RASA3: variants seen among roughly 807,000 people sequenced by gnomAD.
RASA3 encodes the protein ras GTPase-activating protein 3.
Under a neutral mutation model 110.0 loss-of-function variants are expected in RASA3, and 73 were observed. The ratio of observed to expected loss-of-function variants is 0.66; its 90% CI spans 0.55 to 0.81. RASA3 has a LOEUF of 0.81. Ranked by LOEUF, RASA3 falls within the 30% of genes least tolerant of loss-of-function variation. The pLI, the probability that RASA3 is intolerant of heterozygous loss-of-function variation, is 0.00. For missense variants in RASA3, 976 were observed against 1,113.2 expected (o/e 0.88, Z 1.75); for synonymous variants, 500 against 451.4 (o/e 1.11, Z -1.37).
At chr13:114,022,068 T>C (rs1289273558) in intron 8 of RASA3, among the ~76,000 whole-genome samples, 1 of 152,046 alleles carries the variant, frequency 6.6e-6, no homozygotes, top group Admixed American at 6.5e-5. Context: ...GAACCCTGTC[T>C]CCATGGATTG....
chr13:114,118,444 T>G (rs978031662), intron 1 of RASA3, among the ~76,000 whole-genome samples: 14 of 152,212 alleles, frequency 9.2e-5, no homozygotes, highest in African/African-American at 3.4e-4. Flanking sequence ...GTTGTTGCCT[T>G]TTGGTGGGTG....
chr13:113,997,568 G>A (rs989568671), intron 20 of RASA3, among the ~76,000 whole-genome samples: 2 of 151,924 alleles, frequency 1.3e-5, no homozygotes, highest in African/African-American at 4.8e-5. Context: ...CAGGTCTCCC[G>A]GGGCAGGAGT....
chr13:114,059,089 G>T (rs953993365), intron 2 of RASA3, among the ~76,000 whole-genome samples: 1 of 152,208 alleles, frequency 6.6e-6, no homozygotes. Flanking sequence ...CGAAGCGGAG[G>T]ATTGCTTGAG....
chr13:114,059,595 AC>A (rs2079303197), intron 2 of RASA3, among the ~76,000 whole-genome samples: 1 of 152,228 alleles, frequency 6.6e-6, no homozygotes, highest in Non-Finnish European at 1.5e-5. Flanking sequence ...GCCTGCGGGC[AC>A]AGAGGGCGCT....
intron 2 of RASA3, among the ~76,000 whole-genome samples, chr13:114,055,898 G>A (rs2079237063): frequency 6.6e-6 from 1 of 152,228 alleles, no homozygotes; most frequent in Non-Finnish European, 1.5e-5. Flanking sequence ...GTAACCAAAA[G>A]GCGTAAATCA....
Position 114,056,435 on chromosome 13 carries a change from A to G in RASA3, c.174-4280T>C, listed in dbSNP as rs1455695933. On this transcript the variant is annotated intron_variant, in intron 2 of 23. Transcript: ENST00000334062. The surrounding 1 kb of genome is among the most constrained non-coding windows in gnomAD (Gnocchi z 5.7). ...GGGTGGGAAACCGAGGCACTCCAAC[A>G]TCTGATGAAACGAAACTAACCCCAG... 1 of 985,040 alleles carries G rather than the reference A, an allele frequency of 1.0e-6. No homozygotes were observed. Among genetic ancestry groups the G allele is most frequent in the Non-Finnish European group, 1.2e-6 (1 of 829,702 alleles). 61.0% of individuals were successfully genotyped at this position (985,040 alleles called of 1,614,324 possible).
At chr13:114,064,337 CA>C (rs754280944) in intron 2 of RASA3, among the ~76,000 whole-genome samples, 1 of 152,206 alleles carries the variant, frequency 6.6e-6, no homozygotes, top group Non-Finnish European at 1.5e-5. Flanking sequence ...GAAGTGGCCA[CA>C]GCACCATCAC....
At chr13:114,017,889 C>T (rs2053828450) in intron 11 of RASA3, among the ~76,000 whole-genome samples, 1 of 151,646 alleles carries the variant, frequency 6.6e-6, no homozygotes, top group African/African-American at 2.4e-5. Flanking sequence ...CCCACTCACT[C>T]ACTCTACCCG....
intron 16 of RASA3, among the ~76,000 whole-genome samples, chr13:114,010,735 A>G (rs1422658352): frequency 0.62 from 51 of 82 alleles, 17 homozygotes; most frequent in Admixed American, 0.8. Flanking sequence ...GGAGGGGGCC[A>G]TGTGAGGAGG....
At chr13:114,018,031 G>A (rs1402867279) in intron 11 of RASA3, 73 bp downstream of exon 11, 3 of 1,416,234 alleles carry the variant, frequency 2.1e-6, no homozygotes, top group Non-Finnish European at 1.9e-6. Context: ...AGGACACGTG[G>A]TTCTCGGCGA....
intron 4 of RASA3, among the ~76,000 whole-genome samples, chr13:114,031,774 C>T (rs915260104): frequency 6.6e-6 from 1 of 152,248 alleles, no homozygotes. Flanking sequence ...GCCCTTAGCT[C>T]TAGCTCCTGA....
At chr13:114,025,086 G>A (rs903416298) in intron 7 of RASA3, among the ~76,000 whole-genome samples, 2 of 152,180 alleles carry the variant, frequency 1.3e-5, no homozygotes, top group Non-Finnish European at 1.5e-5. Context: ...GGTCACCTGC[G>A]TTTACAAGAA....
At chr13:114,106,823 A>G (rs1227710863) in intron 1 of RASA3, among the ~76,000 whole-genome samples, 6 of 152,238 alleles carry the variant, frequency 3.9e-5, no homozygotes. Context: ...AAACCAAACT[A>G]TATGCTGCGT....
chr13:114,013,470 T>C (rs528573705), intron 14 of RASA3, among the ~76,000 whole-genome samples: 16 of 148,350 alleles, frequency 1.1e-4, no homozygotes, highest in Admixed American at 1.1e-3. Context: ...TCTCTCTCCC[T>C]GTCTCTCTCC....
chr13:113,979,692 A>T (rs1411311578), intron 23 of RASA3, among the ~76,000 whole-genome samples: 1 of 152,162 alleles, frequency 6.6e-6, no homozygotes, highest in Non-Finnish European at 1.5e-5. Context: ...CAGATGTGGA[A>T]TATGTAGAGT....
At chr13:114,089,949 A>G (rs2079870613) in intron 1 of RASA3, among the ~76,000 whole-genome samples, 1 of 152,108 alleles carries the variant, frequency 6.6e-6, no homozygotes, top group Non-Finnish European at 1.5e-5. Context: ...CCTGTCTTCA[A>G]GGTTCGCCCG....
At chr13:114,081,537 A>G (rs1240689799) in intron 1 of RASA3, among the ~76,000 whole-genome samples, 2 of 151,310 alleles carry the variant, frequency 1.3e-5, no homozygotes, top group Non-Finnish European at 2.9e-5. Context: ...ATGGAGCAGG[A>G]ATGCCTCTGG....
intron 9 of RASA3, among the ~76,000 whole-genome samples, 167 bp downstream of exon 9, chr13:114,021,237 C>T (rs563760256): frequency 6.6e-6 from 1 of 152,226 alleles, no homozygotes; most frequent in African/African-American, 2.4e-5. Context: ...GGGGCAGAAA[C>T]TCATCAAGCC....
chr13:114,007,332 G>A (rs35018074), intron 18 of RASA3, among the ~76,000 whole-genome samples: 26 of 9,820 alleles, frequency 2.6e-3, no homozygotes, highest in East Asian at 0.011. Context: ...CCTGCCGGAC[G>A]CCACCTTACC....
Sources: gnomAD v4.1 joint callset for allele counts (sites outside exome capture counted in the v4.1 genomes callset) on GRCh38, gnomAD v4.1.1 for gene constraint, Gnocchi (gnomAD v3.1) non-coding constraint, MANE v1.5 for transcripts, NCBI Gene and HGNC (gene_info 2026-07-23, HGNC 2026-07-21) for gene names.